The following USP7 variants were observed in gnomAD, a reference collection of about 807,000 sequenced individuals.
USP7 encodes the protein ubiquitin C-terminal hydrolase 7.
USP7 carries 9 observed loss-of-function variants against 162.9 expected under a neutral mutation model. The observed-to-expected ratio is 0.06, with a 90% CI of 0.03 to 0.10. The LOEUF (loss-of-function observed/expected upper bound fraction) is 0.10. Ranked by LOEUF, USP7 falls within the 10% of genes least tolerant of loss-of-function variation. USP7 has a pLI of 1.00. For synonymous variants in USP7, 562 were observed against 475.9 expected (o/e 1.18, Z -2.35); for missense variants, 715 against 1,373.7 (o/e 0.52, Z 7.58).
intron 15 of USP7, among the ~76,000 whole-genome samples, chr16:8,904,129 C>A (rs1318214533): frequency 6.6e-6 from 1 of 152,188 alleles, no homozygotes; most frequent in African/African-American, 2.4e-5. Context: ...TACAAATACT[C>A]AGGCAGCTGC....
At chr16:8,956,110 C>T (rs535594919) in intron 1 of USP7, among the ~76,000 whole-genome samples, 3 of 152,188 alleles carry the variant, frequency 2.0e-5, no homozygotes, top group Non-Finnish European at 4.4e-5. Context: ...TAGTACATAA[C>T]ACAGGACACT....
chr16:8,921,334 T>A, intron 3 of USP7, 39 bp from the exon 4 acceptor site: 16 of 1,598,376 alleles, frequency 1.0e-5, no homozygotes, highest in African/African-American at 1.3e-5. Flanking sequence ...TTGACATTAT[T>A]TACCAGATGT....
At chr16:8,937,903 G>T (rs988427337) in intron 1 of USP7, among the ~76,000 whole-genome samples, 2 of 152,144 alleles carry the variant, frequency 1.3e-5, no homozygotes, top group Non-Finnish European at 2.9e-5. Flanking sequence ...GGGAGCAAGA[G>T]GGGGAGAGAA....
chr16:8,937,185 GGC>G lies in USP7; in HGVS notation c.80-6790_80-6789del, dbSNP rs1265598261. Among the ~76,000 whole-genome samples the G allele has an allele frequency of 3.4e-5, 5 of 149,186 alleles. No individual in the cohort carries two copies. The Admixed American group carries it at 3.4e-4, about 10-fold the overall frequency. ...GAGGCAGGAAGATCCCTTTAGCCTG[GGC>G]AACACAGTGAGACTCTGTCTTTTTT... On this transcript the variant is annotated intron_variant, in intron 1 of 30. Coordinates refer to ENST00000344836, the MANE Select transcript of USP7 (RefSeq NM_003470.3).
At chr16:8,900,928 A>T (rs2061764185) in intron 20 of USP7, 62 bp downstream of exon 20, 2 of 1,560,434 alleles carry the variant, frequency 1.3e-6, no homozygotes, top group African/African-American at 1.4e-5. Flanking sequence ...TAAAAAGAAC[A>T]AACAAAACCC....
intron 1 of USP7, among the ~76,000 whole-genome samples, chr16:8,943,868 A>G (rs900431688): frequency 3.9e-5 from 6 of 152,206 alleles, no homozygotes; most frequent in African/African-American, 1.4e-4. Flanking sequence ...AACTTTAAAC[A>G]TAAGTTTAAT....
chr16:8,901,118 A>C (rs748209612), intron 19 of USP7, 24 bp downstream of exon 19: 54 of 1,612,346 alleles, frequency 3.3e-5, no homozygotes, highest in Non-Finnish European at 3.3e-5. Context: ...ATCTACTCAG[A>C]AGGTAAGTGC....
At chr16:8,930,183 CTACGCTCAGAAGTACCCAAGGATG>C in intron 2 of USP7, 86 bp downstream of exon 2, 1 of 753,186 alleles carries the variant, frequency 1.3e-6, no homozygotes, top group South Asian at 2.5e-5. Context: ...TGAAAACTAG[CTACGCTCAGAAGTACCCAAGGATG>C]TACCCAAGAA....
At chr16:8,952,370 G>A (rs1899593458) in intron 1 of USP7, among the ~76,000 whole-genome samples, 1 of 152,244 alleles carries the variant, frequency 6.6e-6, no homozygotes, top group African/African-American at 2.4e-5. Context: ...GGGTGACCCA[G>A]GTAAGTTGAC....
chr16:8,923,741 C>T (rs1048595863), intron 2 of USP7, among the ~76,000 whole-genome samples: 1 of 151,908 alleles, frequency 6.6e-6, no homozygotes, highest in Non-Finnish European at 1.5e-5. Context: ...GTGGAGAGAC[C>T]TTGGAGAGAA....
chr16:8,961,054 A>G (rs780798763), intron 1 of USP7, among the ~76,000 whole-genome samples: 2 of 152,260 alleles, frequency 1.3e-5, no homozygotes, highest in African/African-American at 2.4e-5. Context: ...TGCTAAATTT[A>G]CAGATTAACT....
At chr16:8,960,790 G>C (rs897095013) in intron 1 of USP7, among the ~76,000 whole-genome samples, 2 of 152,158 alleles carry the variant, frequency 1.3e-5, no homozygotes, top group Non-Finnish European at 2.9e-5. Context: ...CATTCCAATC[G>C]TAAGGCTAGT....
chr16:8,895,795 A>G (rs2061671997), intron 26 of USP7, 54 bp from the exon 27 acceptor site: 3 of 1,243,812 alleles, frequency 2.4e-6, no homozygotes, highest in Admixed American at 5.0e-5. Flanking sequence ...TATTCACATA[A>G]AAATAAAATG....
chr16:8,915,908 T>C (rs540345340), intron 8 of USP7, among the ~76,000 whole-genome samples: 1 of 152,228 alleles, frequency 6.6e-6, no homozygotes, highest in Non-Finnish European at 1.5e-5. Flanking sequence ...GGTTTGTCCA[T>C]GGATATTTAA....
chr16:8,911,157 T>C (rs1237864625), intron 10 of USP7, among the ~76,000 whole-genome samples: 1 of 152,270 alleles, frequency 6.6e-6, no homozygotes, highest in East Asian at 1.9e-4. Flanking sequence ...GACAACCCCT[T>C]GGTCTCAAAA....
At chr16:8,950,417 T>C (rs1899498122) in intron 1 of USP7, among the ~76,000 whole-genome samples, 1 of 152,232 alleles carries the variant, frequency 6.6e-6, no homozygotes, top group Non-Finnish European at 1.5e-5. Context: ...ACATTTTAAA[T>C]AACAGCTTCT....
At chr16:8,954,567 G>C (rs1899704011) in intron 1 of USP7, among the ~76,000 whole-genome samples, 2 of 152,188 alleles carry the variant, frequency 1.3e-5, no homozygotes, top group Admixed American at 1.3e-4. Flanking sequence ...AGACAATTTA[G>C]CTGTAAGTTT....
In USP7 at chr16:8,896,607, A is replaced by C. The variant is rs964796834; in HGVS notation, c.2819+392T>G. On this transcript the variant is annotated intron_variant, in intron 26 of 30. Transcript: ENST00000344836. ...TCAATCTGTCAAATACAAAATCAGG[A>C]GTCACCCCTTCCAGTTTCAGTTCAT... is the stretch of plus-strand genomic sequence containing the variant. Among the ~76,000 whole-genome samples, 3 of 152,276 alleles carry C rather than the reference A, an allele frequency of 2.0e-5. No homozygotes were observed. The East Asian group carries it at 5.8e-4, about 29-fold the overall frequency.
At chr16:8,929,872 G>A (rs907533376) in intron 2 of USP7, among the ~76,000 whole-genome samples, 14 of 152,170 alleles carry the variant, frequency 9.2e-5, no homozygotes, top group African/African-American at 3.1e-4. Context: ...CAGGAGCGGG[G>A]AGGGATTCAT....
Sources: allele counts gnomAD v4.1 joint callset (sites outside exome capture counted in the v4.1 genomes callset), GRCh38; gene constraint gnomAD v4.1.1; transcripts MANE v1.5; gene names NCBI Gene and HGNC (gene_info 2026-07-23, HGNC 2026-07-21).